Variants in CBX5 observed in about 807,000 individuals in gnomAD.
The protein encoded by CBX5 is chromobox protein homolog 5.
CBX5 carries 7 observed loss-of-function variants against 20.7 expected under a neutral mutation model. The ratio of observed to expected loss-of-function variants is 0.34; its 90% CI spans 0.19 to 0.63. CBX5 has a LOEUF of 0.63. CBX5 is among the 30% of genes least tolerant of loss of function. The pLI, the probability that CBX5 is intolerant of heterozygous loss-of-function variation, is 0.75. For synonymous variants in CBX5, 78 were observed against 77.0 expected, an observed-to-expected ratio of 1.01 and a Z score of -0.07; for missense variants, 110 against 224.1, an observed-to-expected ratio of 0.49 and a Z score of 3.25.
intron 1 of CBX5, among the ~76,000 whole-genome samples, 164 bp downstream of exon 1, chr12:54,279,844 G>A (rs1178959407): frequency 6.6e-6 from 1 of 152,096 alleles, no homozygotes; most frequent in African/African-American, 2.4e-5. Flanking sequence ...AGAACCTACG[G>A]GGATTAAAAC....
Position 54,248,034 on chromosome 12 carries a change from G to A in CBX5, c.325-1819C>T, listed in dbSNP as rs190704027. On this transcript the variant is annotated intron_variant, in intron 3 of 4. Transcript: ENST00000209875. ...TTTTCCATTTTTAGTAGAGACAGGG[G>A]TCTCACCATTTTGGCCAGGCTGGTC... Among the ~76,000 whole-genome samples the A allele has an allele frequency of 1.3e-3, 190 of 151,918 alleles. 1 individual carries two copies. The highest frequency in any genetic ancestry group is 4.4e-3 in the African/African-American group (183 of 41,442).
chr12:54,266,136 C>T lies in CBX5; in HGVS notation c.-42-8444G>A, dbSNP rs1025868581. Among the ~76,000 whole-genome samples the T allele has an allele frequency of 5.9e-5, 9 of 151,662 alleles. No individual in the cohort carries two copies. The South Asian group carries it at 1.7e-3, about 28-fold the overall frequency. ...TCTTTTAGATAAAAACGGCTGCGTG[C>T]GGTGGCTCACCCTGTAATCCCAGCA... is the stretch of plus-strand genomic sequence containing the variant. On this transcript the variant is annotated intron_variant, in intron 1 of 4. Coordinates refer to ENST00000209875, the MANE Select transcript of CBX5 (RefSeq NM_012117.3).
intron 1 of CBX5, among the ~76,000 whole-genome samples, chr12:54,266,046 TAAAAAAA>T (rs79729825): frequency 3.7e-5 from 4 of 108,348 alleles, no homozygotes; most frequent in Non-Finnish European, 2.0e-5. Flanking sequence ...GACTCTGTCT[TAAAAAAA>T]AAAAAAACCA....
In CBX5 at chr12:54,235,873, C is replaced by T. The variant is rs116086794; in HGVS notation, c.*5882G>A. On this transcript the variant is annotated 3_prime_UTR_variant, in exon 5 of 5. Coordinates refer to ENST00000209875, the MANE Select transcript of CBX5 (RefSeq NM_012117.3). Reference sequence around the variant, plus strand: ...TGTTATAGAACCCACAATAATGTAACACAACTGAATCTGCAACATAGTTAA... The same window carrying T: ...TGTTATAGAACCCACAATAATGTAATACAACTGAATCTGCAACATAGTTAA... The T allele has an allele frequency of 3.2e-4, 48 of 152,298 alleles. No homozygotes were observed. The highest frequency in any genetic ancestry group is 1.2e-3 in the African/African-American group (48 of 41,558). 9.4% of individuals were successfully genotyped at this position (152,298 alleles called of 1,614,324 possible). A position where few individuals can be genotyped will look rare whatever the true frequency, so the allele number is the denominator to read the frequency against.
rs770912788 is a variant in CBX5, at chr12:54,257,588, A to G, written c.63T>C (p.Val21=). 12 of 1,614,160 alleles carry G rather than the reference A, an allele frequency of 7.4e-6. No individual in the cohort carries two copies. The highest frequency in any genetic ancestry group is 1.0e-5 in the Non-Finnish European group (12 of 1,180,018). ...CGCGCCTGTCTAGCACCTTCTCCACAACATACTCCTCCTCATCCTCTGAAG... is the reference window on the plus strand; with the variant it reads ...CGCGCCTGTCTAGCACCTTCTCCACGACATACTCCTCCTCATCCTCTGAAG... ...SSSSEDEEEY[V]VEKVLDRRVV... The change falls in exon 2 of 5, where the codon GTT becomes GTC. Residue 21 remains valine (V), a synonymous_variant. Transcript: ENST00000209875.
chr12:54,264,912 G>A (rs956412919), intron 1 of CBX5, among the ~76,000 whole-genome samples: 1 of 151,822 alleles, frequency 6.6e-6, no homozygotes, highest in Non-Finnish European at 1.5e-5. Flanking sequence ...CTGAATTAAA[G>A]ATGGTAATCA....
At chr12:54,279,750 C>G (rs536049474) in intron 1 of CBX5, among the ~76,000 whole-genome samples, 1 of 152,328 alleles carries the variant, frequency 6.6e-6, no homozygotes, top group Admixed American at 6.5e-5. Flanking sequence ...TCCGATGGCC[C>G]AAGGGCCGAT....
rs774880486 is a variant in CBX5, at chr12:54,239,112, T to A, written c.*2643A>T. Reference sequence around the variant, plus strand: ...ACATTCCTATAGAACCAGCTGCAGGTAGGCAGGAAGAGAACAAAAGTTGTT... The same window carrying A: ...ACATTCCTATAGAACCAGCTGCAGGAAGGCAGGAAGAGAACAAAAGTTGTT... On this transcript the variant is annotated 3_prime_UTR_variant, in exon 5 of 5. Transcript: ENST00000209875. 3.9e-5 allele frequency: 6 copies of A among 152,292 alleles called. No individual in the cohort carries two copies. The highest frequency in any genetic ancestry group is 7.3e-5 in the Non-Finnish European group (5 of 68,040). The allele number at this position is 152,292 out of a possible 1,614,324, so 9.4% of individuals were successfully genotyped here. A position where few individuals can be genotyped will look rare whatever the true frequency, so the allele number is the denominator to read the frequency against.
At chr12:54,251,903 T>A (rs948339565) in intron 3 of CBX5, 138 bp downstream of exon 3, 9 of 679,716 alleles carry the variant, frequency 1.3e-5, no homozygotes, top group Non-Finnish European at 2.0e-5. Flanking sequence ...CATACCTCCC[T>A]GGAAGCTCTT....
intron 3 of CBX5, among the ~76,000 whole-genome samples, chr12:54,251,345 C>T (rs1471131120): frequency 6.6e-6 from 1 of 151,448 alleles, no homozygotes; most frequent in East Asian, 1.9e-4. Context: ...GGTAAAACCC[C>T]GTCTCTACTA....
chr12:54,267,142 T>C (rs1201379413), intron 1 of CBX5, among the ~76,000 whole-genome samples: 1 of 152,198 alleles, frequency 6.6e-6, no homozygotes, highest in Admixed American at 6.5e-5. Flanking sequence ...AAACATGAAT[T>C]TGGAGACCTC....
chr12:54,278,848 G>C (rs1944097015), intron 1 of CBX5: 1 of 152,170 alleles, frequency 6.6e-6, no homozygotes, highest in Non-Finnish European at 1.5e-5. Context: ...AGCAAAAAGA[G>C]GGACTTTAGG....
intron 4 of CBX5, among the ~76,000 whole-genome samples, chr12:54,244,338 T>C (rs2137011171): frequency 6.6e-6 from 1 of 151,732 alleles, no homozygotes; most frequent in Middle Eastern, 3.4e-3. Flanking sequence ...TAAGGTAACA[T>C]GTTTCTTTAG....
intron 1 of CBX5, chr12:54,273,940 G>A (rs1944035356): frequency 6.6e-6 from 1 of 152,090 alleles, no homozygotes; most frequent in Non-Finnish European, 1.5e-5. Flanking sequence ...AAAAAGAATT[G>A]TGTTTCAGAT....
chr12:54,261,001 A>T (rs1943911597), intron 1 of CBX5, among the ~76,000 whole-genome samples: 1 of 151,704 alleles, frequency 6.6e-6, no homozygotes, highest in African/African-American at 2.4e-5. Context: ...GACCAGCCTG[A>T]CCAACATGGT....
At chr12:54,269,211 C>T (rs775246489) in intron 1 of CBX5, among the ~76,000 whole-genome samples, 1 of 151,472 alleles carries the variant, frequency 6.6e-6, no homozygotes, top group Non-Finnish European at 1.5e-5. Flanking sequence ...TGCAGTGAGT[C>T]GAGATTGCAC....
At chr12:54,279,221 G>C (rs1944102717) in intron 1 of CBX5, among the ~76,000 whole-genome samples, 1 of 151,758 alleles carries the variant, frequency 6.6e-6, no homozygotes, top group African/African-American at 2.4e-5. Flanking sequence ...ACAGTACATA[G>C]AGATTTCTCC....
chr12:54,247,682 A>G (rs912513997), intron 3 of CBX5, among the ~76,000 whole-genome samples: 1 of 152,006 alleles, frequency 6.6e-6, no homozygotes, highest in Non-Finnish European at 1.5e-5. Context: ...CAAGCCAGGT[A>G]ATTTTTTTTT....
chr12:54,248,282 C>T (rs1287731057), intron 3 of CBX5, among the ~76,000 whole-genome samples: 1 of 152,208 alleles, frequency 6.6e-6, no homozygotes, highest in African/African-American at 2.4e-5. Flanking sequence ...AGCCACCGCA[C>T]CCGGCCCAAA....
Sources: gnomAD v4.1 joint callset for allele counts (sites outside exome capture counted in the v4.1 genomes callset) on GRCh38, gnomAD v4.1.1 for gene constraint, MANE v1.5 for transcripts, NCBI Gene and HGNC (gene_info 2026-07-23, HGNC 2026-07-21) for gene names.